Variants in SRGAP3 observed in about 807,000 individuals in gnomAD.
SRGAP3 encodes SLIT-ROBO Rho GTPase-activating protein 3.
Under a neutral mutation model 121.1 loss-of-function variants are expected in SRGAP3, and 39 were observed. The ratio of observed to expected loss-of-function variants is 0.32; its 90% CI spans 0.25 to 0.42. The LOEUF is 0.42. Among genes scored for constraint, SRGAP3 ranks in the 10% least tolerant of loss-of-function variants. The pLI is 1.00. For missense variants in SRGAP3, 1,213 were observed against 1,470.6 expected (o/e 0.82, Z 2.86); for synonymous variants, 601 against 570.0 (o/e 1.05, Z -0.77).
chr3:9,063,309 T>C (rs1004042292), intron 5 of SRGAP3, among the ~76,000 whole-genome samples: 6 of 151,756 alleles, frequency 4.0e-5, no homozygotes, highest in Non-Finnish European at 2.9e-5. Context: ...TTCTATTTTT[T>C]GTAGAGATAG....
chr3:9,142,577 T>A (rs1371826708), intron 1 of SRGAP3, among the ~76,000 whole-genome samples: 1 of 152,200 alleles, frequency 6.6e-6, no homozygotes, highest in African/African-American at 2.4e-5. Context: ...AAACACCTCA[T>A]GTTTATTAGC....
intron 14 of SRGAP3, 68 bp downstream of exon 14, chr3:9,025,193 G>C: frequency 6.5e-7 from 1 of 1,550,092 alleles, no homozygotes; most frequent in South Asian, 1.1e-5. Flanking sequence ...CACTGGCTCT[G>C]AGACACACGT....
intron 3 of SRGAP3, among the ~76,000 whole-genome samples, chr3:9,316,357 TA>T (rs879391500): frequency 2.1e-3 from 279 of 135,370 alleles, no homozygotes; most frequent in Middle Eastern, 3.7e-3. Flanking sequence ...CCTTCTTGGT[TA>T]AAAAAAAAAA....
chr3:9,034,756 G>A (rs1263074395), intron 11 of SRGAP3: 2 of 152,220 alleles, frequency 1.3e-5, no homozygotes, highest in East Asian at 1.9e-4. Context: ...TATGTATGTG[G>A]GGTGGGATTT....
rs1402851608 is a variant in SRGAP3, at chr3:9,249,352, T to C, written c.-401A>G. 2.4e-6 allele frequency: 1 copy of C among 416,856 alleles called. No individual in the cohort carries two copies. The highest frequency in any genetic ancestry group is 2.0e-5 in the African/African-American group (1 of 50,354). The allele number at this position is 416,856 out of a possible 1,614,324, so 25.8% of individuals were successfully genotyped here. On this transcript the variant is annotated 5_prime_UTR_variant, in exon 1 of 22. Coordinates refer to ENST00000383836, the MANE Select transcript of SRGAP3 (RefSeq NM_014850.4). ...ACTCACCGGGACACGCACACAGTTG[T>C]GCTGTGCACACAGGCATACACACAC...
At chr3:9,114,550 T>C (rs1432214562) in intron 2 of SRGAP3, among the ~76,000 whole-genome samples, 1 of 152,218 alleles carries the variant, frequency 6.6e-6, no homozygotes, top group Non-Finnish European at 1.5e-5. Flanking sequence ...CTGCTTCCTC[T>C]GTGATCCCAT....
chr3:9,287,239 A>G (rs1358867649), intron 3 of SRGAP3, among the ~76,000 whole-genome samples: 2 of 150,596 alleles, frequency 1.3e-5, no homozygotes. Context: ...CGATCCTCCC[A>G]CCTCACCCTC....
chr3:9,290,982 T>C (rs1405759620), intron 3 of SRGAP3, among the ~76,000 whole-genome samples: 2 of 152,180 alleles, frequency 1.3e-5, no homozygotes, highest in East Asian at 3.8e-4. Context: ...GGCTAAGCTA[T>C]AAAATGTGTT....
In SRGAP3 at chr3:9,299,083, C is replaced by T. The variant is rs185053104; in HGVS notation, n.442+26927G>A. ...AAAAAAAAAAAAAGAAAATAGATGG[C>T]TGGGCATGGTGGCTCACACCTGTAA... On this transcript the variant is annotated intron_variant and non_coding_transcript_variant, in intron 3 of 3. Coordinates refer to the SRGAP3 transcript ENST00000490889. Among the ~76,000 whole-genome samples the T allele has an allele frequency of 2.6e-4, 36 of 140,090 alleles. 1 individual carries two copies. Among genetic ancestry groups the T allele is most frequent in the Admixed American group, 2.5e-3 (34 of 13,514 alleles). 91.9% of individuals were successfully genotyped at this position (140,090 alleles called of 152,430 possible). A position where few individuals can be genotyped will look rare whatever the true frequency, so the allele number is the denominator to read the frequency against.
At chr3:9,137,681 ACCAC>A (rs1034945083) in intron 1 of SRGAP3, among the ~76,000 whole-genome samples, 13 of 152,138 alleles carry the variant, frequency 8.5e-5, no homozygotes, top group African/African-American at 2.9e-4. Context: ...CAGCCCCCTG[ACCAC>A]CCCTACCTAG....
At chr3:9,283,076 G>C (rs1954708948) in intron 3 of SRGAP3, among the ~76,000 whole-genome samples, 1 of 151,960 alleles carries the variant, frequency 6.6e-6, no homozygotes, top group African/African-American at 2.4e-5. Flanking sequence ...AAGTAGCTGG[G>C]ATTAGAGGCA....
rs1948538145 is a variant in SRGAP3, at chr3:9,109,496, C to T, written c.261-4654G>A. 6.6e-6 allele frequency among the ~76,000 whole-genome samples: 1 copy of T among 152,204 alleles called. No individual in the cohort carries two copies. Among genetic ancestry groups the T allele is most frequent in the Non-Finnish European group, 1.5e-5 (1 of 68,048 alleles). On this transcript the variant is annotated intron_variant, in intron 2 of 21. Transcript: ENST00000383836. The surrounding 1 kb of genome is among the most constrained non-coding windows in gnomAD (Gnocchi z 4.4). The stretch of plus-strand genomic sequence containing the variant: ...AGACTCAAGTTGAAGTGAGCAGCTG[C>T]TGTGAAGATTCCTTCCAGCCCTCGT...
At chr3:9,345,539 T>C (rs1481216194) in intron 1 of SRGAP3, among the ~76,000 whole-genome samples, 4 of 147,720 alleles carry the variant, frequency 2.7e-5, no homozygotes, top group South Asian at 2.1e-4. Flanking sequence ...TCCTAGCACT[T>C]TGGGAGGCCG....
intron 1 of SRGAP3, among the ~76,000 whole-genome samples, chr3:9,246,527 A>T (rs1294124180): frequency 6.6e-6 from 1 of 152,180 alleles, no homozygotes; most frequent in African/African-American, 2.4e-5. Context: ...CCTGGGAGAA[A>T]ATCGGCCTTG....
chr3:9,105,403 A>C (rs1162967976), intron 2 of SRGAP3, among the ~76,000 whole-genome samples: 5 of 152,202 alleles, frequency 3.3e-5, no homozygotes, highest in African/African-American at 1.2e-4. Flanking sequence ...TGTGTTCAGG[A>C]GGAAGGGTTA....
intron 1 of SRGAP3, among the ~76,000 whole-genome samples, chr3:9,230,008 C>T (rs1953139539): frequency 6.6e-6 from 1 of 152,188 alleles, no homozygotes; most frequent in Non-Finnish European, 1.5e-5. Context: ...GAGGAAGAAG[C>T]TGAGCCTCAG....
At chr3:9,226,496 G>A (rs1341861722) in intron 1 of SRGAP3, among the ~76,000 whole-genome samples, 1 of 152,164 alleles carries the variant, frequency 6.6e-6, no homozygotes, top group Non-Finnish European at 1.5e-5. Flanking sequence ...CTTCAAGACA[G>A]CTCTAATTGT....
chr3:9,047,868 G>A (rs567818637), intron 9 of SRGAP3, among the ~76,000 whole-genome samples: 13 of 152,354 alleles, frequency 8.5e-5, no homozygotes, highest in African/African-American at 3.1e-4. Context: ...AGCCGTCCCA[G>A]GGGCCACGCA....
intron 1 of SRGAP3, among the ~76,000 whole-genome samples, chr3:9,356,148 A>G (rs1246942062): frequency 1.3e-5 from 2 of 151,048 alleles, no homozygotes; most frequent in African/African-American, 4.9e-5. Context: ...TGGGATAGAG[A>G]GATATTTCCT....
Sources: gnomAD v4.1 joint callset for allele counts (sites outside exome capture counted in the v4.1 genomes callset) on GRCh38, gnomAD v4.1.1 for gene constraint, Gnocchi (gnomAD v3.1) non-coding constraint, MANE v1.5 for transcripts, NCBI Gene and HGNC (gene_info 2026-07-23, HGNC 2026-07-21) for gene names.